Variants in UGT1A7 observed in about 807,000 individuals in gnomAD.
UGT1A7 encodes UDP glucuronosyltransferase family 1 member A7.
A neutral mutation model predicts 45.6 loss-of-function variants in UGT1A7; 33 were observed. The observed-to-expected ratio is 0.72, with a 90% CI of 0.55 to 0.97. The LOEUF (loss-of-function observed/expected upper bound fraction) is 0.97. Ranked by LOEUF, UGT1A7 falls within the 50% of genes least tolerant of loss-of-function variation. UGT1A7 has a pLI of 0.00. For synonymous variants in UGT1A7, 274 were observed against 250.6 expected (o/e 1.09, Z -0.88); for missense variants, 684 against 666.2 (o/e 1.03, Z -0.29).
chr2:233,690,565 A>C, intron 1 of UGT1A7: 1 of 1,289,360 alleles, frequency 7.8e-7, no homozygotes, highest in South Asian at 1.2e-5. Context: ...AGCCTGAGTC[A>C]TTCAGCCTGC....
At position 233,772,771 on chromosome 2, in the gene UGT1A7, G is replaced by A. The variant is rs989549467; in HGVS notation, c.*212G>A. 1 of 1,323,730 alleles carries A rather than the reference G, an allele frequency of 7.6e-7. No individual in the cohort carries two copies. The highest frequency in any genetic ancestry group is 1.5e-5 in the African/African-American group (1 of 67,390). The allele number at this position is 1,323,730 out of a possible 1,614,324, so 82.0% of individuals were successfully genotyped here. On this transcript the variant is annotated 3_prime_UTR_variant, in exon 5 of 5. Coordinates refer to ENST00000373426, the MANE Select transcript of UGT1A7 (RefSeq NM_019077.3). ...TTTGAATATGTATCGTGCCCCCTCTGGTGTCTTTGATCAGGATGACATGTG... is the reference window on the plus strand; with the variant it reads ...TTTGAATATGTATCGTGCCCCCTCTAGTGTCTTTGATCAGGATGACATGTG...
In UGT1A7 at chr2:233,767,881, G is replaced by A. The variant is rs1468683280; in HGVS notation, c.1020G>A (p.Ser340=). The A allele has an allele frequency of 1.1e-5, 17 of 1,613,962 alleles. No individual in the cohort carries two copies. The highest frequency in any genetic ancestry group is 1.2e-5 in the Non-Finnish European group (14 of 1,180,050). ...VLWRYTGTRP[S]NLANNTILVK... is the part of the protein sequence containing the mutation. ...GGCGGTACACTGGAACCCGACCATC[G>A]AATCTTGCGAACAACACGATACTTG... The change falls in exon 3 of 5, where the codon TCG becomes TCA. Residue 340 remains serine, a synonymous_variant. Transcript: ENST00000373426.
At chr2:233,733,206 G>C (rs1439179922) in intron 1 of UGT1A7, among the ~76,000 whole-genome samples, 1 of 152,146 alleles carries the variant, frequency 6.6e-6, no homozygotes, top group Non-Finnish European at 1.5e-5. Context: ...AGGAGACTTT[G>C]GGCTGAGACA....
intron 1 of UGT1A7, among the ~76,000 whole-genome samples, chr2:233,724,108 C>G (rs1455095780): frequency 1.8e-5 from 1 of 55,862 alleles, no homozygotes. Flanking sequence ...TAGGGGCGGC[C>G]GGGCAGAGGC....
chr2:233,700,818 C>A (rs1217450259), intron 1 of UGT1A7, among the ~76,000 whole-genome samples: 1 of 151,898 alleles, frequency 6.6e-6, no homozygotes, highest in Non-Finnish European at 1.5e-5. Flanking sequence ...GTGTGCTGCA[C>A]CCATTAACTC....
At chr2:233,747,385 C>G in intron 1 of UGT1A7, 2 of 1,604,764 alleles carry the variant, frequency 1.2e-6, no homozygotes, top group East Asian at 4.5e-5. Flanking sequence ...GGCCACCAGG[C>G]GGTGGTCCTC....
chr2:233,758,823 C>T (rs1559405168), intron 1 of UGT1A7, among the ~76,000 whole-genome samples: 1 of 152,154 alleles, frequency 6.6e-6, no homozygotes, highest in African/African-American at 2.4e-5. Flanking sequence ...GTATATCCCC[C>T]CCAAAAAGAG....
At chr2:233,757,272 A>G (rs1186408915) in intron 1 of UGT1A7, among the ~76,000 whole-genome samples, 15 of 122,852 alleles carry the variant, frequency 1.2e-4, no homozygotes, top group East Asian at 8.4e-4. Context: ...AGCCGATGCA[A>G]TGATTCAGAA....
chr2:233,761,130 TC>T, intron 1 of UGT1A7: 1 of 1,614,212 alleles, frequency 6.2e-7, no homozygotes, highest in Non-Finnish European at 8.5e-7. Flanking sequence ...TCAACTGCCT[TC>T]ACCAAAATCC....
chr2:233,705,781 C>T (rs754903994), intron 1 of UGT1A7, among the ~76,000 whole-genome samples: 16 of 152,258 alleles, frequency 1.1e-4, no homozygotes, highest in Non-Finnish European at 2.2e-4. Flanking sequence ...TGTCTTAGTG[C>T]AAAATGCCCC....
intron 1 of UGT1A7, chr2:233,747,771 T>C (rs1693772366): frequency 2.5e-6 from 4 of 1,613,546 alleles, no homozygotes; most frequent in Non-Finnish European, 3.4e-6. Context: ...GGGCACACAG[T>C]GTCCAAATCC....
intron 1 of UGT1A7, chr2:233,756,307 C>T (rs1373805537): frequency 6.6e-6 from 1 of 152,200 alleles, no homozygotes; most frequent in Non-Finnish European, 1.5e-5. Context: ...ATATAACCTA[C>T]CCATATCCTC....
At position 233,723,541 on chromosome 2, in the gene UGT1A7, TA is replaced by T. The variant is rs1455161715; in HGVS notation, c.855+40750del. 2.1e-4 allele frequency among the ~76,000 whole-genome samples: 28 copies of T among 134,814 alleles called. No individual in the cohort carries two copies. The East Asian group carries it at 3.0e-3, about 15-fold the overall frequency. 88.4% of individuals were successfully genotyped at this position (134,814 alleles called of 152,430 possible). Reference sequence around the variant, plus strand: ...CTTTTTTTTTTTTTTTTTTTTAATTTATTTTTTTATTGATAATTCTTGGGTG... The same window carrying T: ...CTTTTTTTTTTTTTTTTTTTTAATTTTTTTTTTATTGATAATTCTTGGGTG... On this transcript the variant is annotated intron_variant, in intron 1 of 4. Transcript: ENST00000373426.
intron 1 of UGT1A7, among the ~76,000 whole-genome samples, chr2:233,699,790 C>G (rs1191116266): frequency 2.0e-5 from 3 of 152,194 alleles, no homozygotes; most frequent in Non-Finnish European, 2.9e-5. Context: ...GTTTCCTCCT[C>G]TCATATTCTG....
chr2:233,751,777 A>C (rs1694808291), intron 1 of UGT1A7, among the ~76,000 whole-genome samples: 1 of 152,126 alleles, frequency 6.6e-6, no homozygotes, highest in South Asian at 2.1e-4. Flanking sequence ...GACTTTGCTT[A>C]TCTCTCACCT....
At chr2:233,699,908 A>G (rs1025007086) in intron 1 of UGT1A7, among the ~76,000 whole-genome samples, 2 of 152,222 alleles carry the variant, frequency 1.3e-5, no homozygotes, top group African/African-American at 4.8e-5. Flanking sequence ...AGTCAGTAGG[A>G]TATACGTAGA....
intron 1 of UGT1A7, among the ~76,000 whole-genome samples, chr2:233,732,119 T>C (rs1297599080): frequency 7.1e-6 from 1 of 141,674 alleles, no homozygotes; most frequent in African/African-American, 2.7e-5. Context: ...TTTGCCCACT[T>C]TTTGATGAGG....
intron 1 of UGT1A7, chr2:233,693,705 C>A: frequency 1.9e-6 from 3 of 1,614,214 alleles, no homozygotes; most frequent in Non-Finnish European, 2.5e-6. Flanking sequence ...GAACTCGCAT[C>A]AGCTGTCCTC....
intron 1 of UGT1A7, among the ~76,000 whole-genome samples, chr2:233,727,349 G>GT (rs760245596): frequency 1.3e-5 from 2 of 152,230 alleles, no homozygotes; most frequent in Non-Finnish European, 2.9e-5. Context: ...CCATAGTTCT[G>GT]CTATCCTTAG....
Sources: allele counts gnomAD v4.1 joint callset (sites outside exome capture counted in the v4.1 genomes callset), GRCh38; gene constraint gnomAD v4.1.1; transcripts MANE v1.5; gene names NCBI Gene and HGNC (gene_info 2026-07-23, HGNC 2026-07-21).